Variants in KCNIP1 observed in about 807,000 individuals in gnomAD.
The protein encoded by KCNIP1 is A-type potassium channel modulatory protein KCNIP1.
A neutral mutation model predicts 33.0 loss-of-function variants in KCNIP1; 18 were observed. That is an observed-to-expected ratio of 0.55 (90% CI 0.38 to 0.81). KCNIP1 has a LOEUF of 0.81. Ranked by LOEUF, KCNIP1 falls within the 30% of genes least tolerant of loss-of-function variation. The pLI is 0.00. For missense variants in KCNIP1, 238 were observed against 271.6 expected, an observed-to-expected ratio of 0.88 and a Z score of 0.87; for synonymous variants, 93 against 98.3, an observed-to-expected ratio of 0.95 and a Z score of 0.32.
intron 1 of KCNIP1, among the ~76,000 whole-genome samples, chr5:170,667,483 C>T (rs1228484408): frequency 6.6e-6 from 1 of 152,202 alleles, no homozygotes; most frequent in Non-Finnish European, 1.5e-5. Flanking sequence ...TAATGAAATT[C>T]ATCCGGTCCT....
chr5:170,589,818 T>TGCGGTGC (rs781618647), intron 1 of KCNIP1, among the ~76,000 whole-genome samples: 3 of 37,240 alleles, frequency 8.1e-5, no homozygotes, highest in South Asian at 9.8e-4. Context: ...CGGTGCGGTG[T>TGCGGTGC]GGTGTGGTAT....
At chr5:170,574,757 G>A (rs1289459232) in intron 1 of KCNIP1, among the ~76,000 whole-genome samples, 1 of 152,168 alleles carries the variant, frequency 6.6e-6, no homozygotes, top group East Asian at 1.9e-4. Context: ...GCCATCCCAT[G>A]GCAGGGCACA....
At chr5:170,491,283 AGAATGAAT>A (rs919857929) in intron 1 of KCNIP1, among the ~76,000 whole-genome samples, 1 of 152,272 alleles carries the variant, frequency 6.6e-6, no homozygotes, top group African/African-American at 2.4e-5. Flanking sequence ...GAATGAATGA[AGAATGAAT>A]GAATGAATGC....
intron 1 of KCNIP1, among the ~76,000 whole-genome samples, chr5:170,402,904 G>A (rs1471747053): frequency 6.6e-6 from 1 of 152,196 alleles, no homozygotes; most frequent in Admixed American, 6.5e-5. Context: ...GCTCAGGAAA[G>A]TTAGGTGATT....
intron 1 of KCNIP1, among the ~76,000 whole-genome samples, chr5:170,430,186 G>T (rs1268373844): frequency 2.6e-5 from 4 of 152,200 alleles, no homozygotes; most frequent in African/African-American, 9.7e-5. Flanking sequence ...GCATCTGTTG[G>T]TCTGGATGGT....
At chr5:170,575,730 A>C (rs1046161422) in intron 1 of KCNIP1, among the ~76,000 whole-genome samples, 1 of 152,176 alleles carries the variant, frequency 6.6e-6, no homozygotes. Context: ...GGACAAAGGG[A>C]GCACAGTTGT....
At position 170,703,594 on chromosome 5, in the gene KCNIP1, G is replaced by C; in HGVS notation, c.62-15164G>C. ...TCAAGGCTAGTCTGGGCAACACAGT[G>C]AGACCCCATCTCTACCAAAAAAAAA... On this transcript the variant is annotated intron_variant, in intron 1 of 7. Coordinates refer to ENST00000328939, the MANE Select transcript of KCNIP1 (RefSeq NM_014592.4). 1.6e-5 allele frequency among the ~76,000 whole-genome samples: 2 copies of C among 128,300 alleles called. 1 individual carries two copies. 84.2% of individuals were successfully genotyped at this position (128,300 alleles called of 152,430 possible). A position where few individuals can be genotyped will look rare whatever the true frequency, so the allele number is the denominator to read the frequency against.
chr5:170,733,826 TG>T lies in KCNIP1; in HGVS notation c.541-9del. On this transcript the variant is annotated splice_polypyrimidine_tract_variant and intron_variant, in intron 6 of 7. Transcript: ENST00000328939. Reference sequence around the variant, plus strand: ...AGATTCTGTAAAGTGCTTTCTGTTATGTCTTTCAGAAAATGGACAAAAATAA... The same window carrying T: ...AGATTCTGTAAAGTGCTTTCTGTTATTCTTTCAGAAAATGGACAAAAATAA... 6.2e-7 allele frequency: 1 copy of T among 1,609,644 alleles called. No homozygotes were observed. Among genetic ancestry groups the T allele is most frequent in the Non-Finnish European group, 8.5e-7 (1 of 1,175,970 alleles).
intron 1 of KCNIP1, among the ~76,000 whole-genome samples, chr5:170,454,374 G>A (rs1756324719): frequency 6.6e-6 from 1 of 152,222 alleles, no homozygotes; most frequent in African/African-American, 2.4e-5. Flanking sequence ...AATGAGCAAT[G>A]TGAAACAAAG....
chr5:170,721,151 C>T (rs922406701), intron 3 of KCNIP1, among the ~76,000 whole-genome samples: 2 of 152,204 alleles, frequency 1.3e-5, no homozygotes, highest in African/African-American at 4.8e-5. Flanking sequence ...CCAAACACTT[C>T]TTGGGCCCTG....
intron 1 of KCNIP1, among the ~76,000 whole-genome samples, chr5:170,402,545 G>T (rs755398724): frequency 3.3e-5 from 5 of 152,188 alleles, no homozygotes; most frequent in Non-Finnish European, 7.3e-5. Flanking sequence ...TCCCCCTGGA[G>T]TTATCCAGCA....
intron 1 of KCNIP1, among the ~76,000 whole-genome samples, chr5:170,707,920 G>C (rs1370602808): frequency 6.6e-6 from 1 of 152,060 alleles, no homozygotes; most frequent in Admixed American, 6.5e-5. Flanking sequence ...AATGCTTGAA[G>C]CAAAACATGA....
intron 1 of KCNIP1, among the ~76,000 whole-genome samples, chr5:170,480,007 A>T (rs906949000): frequency 4.6e-5 from 7 of 152,244 alleles, no homozygotes. Flanking sequence ...CATAAGTTTA[A>T]TATGTCAGAC....
chr5:170,383,560 C>T lies in KCNIP1; in HGVS notation c.88+29596C>T, dbSNP rs758578725. On this transcript the variant is annotated intron_variant, in intron 1 of 7. Transcript: ENST00000377360. ...TAGGGCTGGCTCAGTCTCATTCCAG[C>T]TGTGAGACCTGGTCAAGTGGGTTGA... 3.6e-6 allele frequency: 4 copies of T among 1,111,822 alleles called. No homozygotes were observed. The South Asian group carries it at 4.0e-5, about 11-fold the overall frequency. The allele number at this position is 1,111,822 out of a possible 1,614,324, so 68.9% of individuals were successfully genotyped here. A position where few individuals can be genotyped will look rare whatever the true frequency, so the allele number is the denominator to read the frequency against.
At chr5:170,485,873 C>G (rs915093672) in intron 1 of KCNIP1, 6 of 152,388 alleles carry the variant, frequency 3.9e-5, no homozygotes, top group Admixed American at 2.0e-4. Context: ...CCTCTAGACT[C>G]AGCATCATCA....
intron 1 of KCNIP1, among the ~76,000 whole-genome samples, chr5:170,707,538 G>A (rs1763300746): frequency 6.6e-6 from 1 of 152,138 alleles, no homozygotes; most frequent in Non-Finnish European, 1.5e-5. Context: ...GTGATTTTGT[G>A]GACTTTTAAT....
At chr5:170,608,501 G>A (rs112309275) in intron 1 of KCNIP1, among the ~76,000 whole-genome samples, 9,188 of 152,314 alleles carry the variant, frequency 0.06, 395 homozygotes, top group Non-Finnish European at 0.091. Flanking sequence ...GCTGGGCGCA[G>A]TGGCTCACGC....
intron 1 of KCNIP1, among the ~76,000 whole-genome samples, chr5:170,468,678 T>C (rs886077920): frequency 6.6e-6 from 1 of 151,626 alleles, no homozygotes; most frequent in African/African-American, 2.4e-5. Context: ...CCCAGGAGTT[T>C]GAGGCCAGCC....
chr5:170,436,277 G>A (rs1452098480), intron 1 of KCNIP1, among the ~76,000 whole-genome samples: 1 of 152,230 alleles, frequency 6.6e-6, no homozygotes, highest in Non-Finnish European at 1.5e-5. Flanking sequence ...ATTTGCAGGA[G>A]AGACTGTAGA....
Sources: allele counts gnomAD v4.1 joint callset (sites outside exome capture counted in the v4.1 genomes callset), GRCh38; gene constraint gnomAD v4.1.1; transcripts MANE v1.5; gene names NCBI Gene and HGNC (gene_info 2026-07-23, HGNC 2026-07-21).